TBC1D5: variants seen among roughly 807,000 people sequenced by gnomAD.
The protein encoded by TBC1D5 is TBC1 domain family, member 5.
A neutral mutation model predicts 100.3 loss-of-function variants in TBC1D5; 75 were observed. The observed-to-expected ratio is 0.75, with a 90% CI of 0.62 to 0.91. The LOEUF (loss-of-function observed/expected upper bound fraction) is 0.91, where lower values mean the gene tolerates loss of function less well. TBC1D5 is among the 40% of genes least tolerant of loss of function. The pLI is 0.00. For synonymous variants in TBC1D5, 323 were observed against 325.6 expected (o/e 0.99, Z 0.09); for missense variants, 910 against 942.4 (o/e 0.97, Z 0.45).
At chr3:17,398,605 A>G (rs2093568256) in intron 8 of TBC1D5, among the ~76,000 whole-genome samples, 1 of 152,172 alleles carries the variant, frequency 6.6e-6, no homozygotes, top group African/African-American at 2.4e-5. Context: ...CAACTTGGTG[A>G]TAACCAGTGA....
chr3:17,347,639 T>C (rs1390428765), intron 13 of TBC1D5, among the ~76,000 whole-genome samples: 1 of 152,010 alleles, frequency 6.6e-6, no homozygotes, highest in Non-Finnish European at 1.5e-5. Flanking sequence ...TAAAAATCCC[T>C]ACACTTTCTA....
intron 13 of TBC1D5, among the ~76,000 whole-genome samples, chr3:17,351,496 G>A (rs1255401512): frequency 3.9e-5 from 6 of 152,048 alleles, no homozygotes; most frequent in East Asian, 3.9e-4. Context: ...ACCAAACACC[G>A]CATGTTCTCA....
At chr3:17,699,571 A>G (rs982980012) in intron 1 of TBC1D5, among the ~76,000 whole-genome samples, 8 of 147,176 alleles carry the variant, frequency 5.4e-5, no homozygotes, top group African/African-American at 2.0e-4. Flanking sequence ...TAAAATTACC[A>G]TAATAATTGA....
intron 13 of TBC1D5, among the ~76,000 whole-genome samples, chr3:17,360,982 G>A (rs2091649322): frequency 6.6e-6 from 1 of 151,784 alleles, no homozygotes; most frequent in South Asian, 2.1e-4. Flanking sequence ...ATTTTTGGAA[G>A]GAACAAAAAG....
intron 18 of TBC1D5, among the ~76,000 whole-genome samples, chr3:17,187,847 G>A (rs2125573948): frequency 6.6e-6 from 1 of 152,326 alleles, no homozygotes; most frequent in East Asian, 1.9e-4. Context: ...AAGGGCACAA[G>A]GAATGCAGTG....
chr3:17,351,960 CAACGTTTCATCT>C (rs1179190248), intron 13 of TBC1D5, among the ~76,000 whole-genome samples: 4 of 148,858 alleles, frequency 2.7e-5, no homozygotes, highest in South Asian at 2.1e-4. Flanking sequence ...AACCCTCAAA[CAACGTTTCATCT>C]AACGTTTCAT....
intron 13 of TBC1D5, among the ~76,000 whole-genome samples, chr3:17,345,083 C>T (rs966835517): frequency 6.6e-6 from 1 of 152,106 alleles, no homozygotes; most frequent in African/African-American, 2.4e-5. Flanking sequence ...TCTATTTAAA[C>T]TAAAGAGCTT....
intron 14 of TBC1D5, among the ~76,000 whole-genome samples, chr3:17,306,652 AG>A (rs2083430201): frequency 6.6e-6 from 1 of 152,198 alleles, no homozygotes; most frequent in African/African-American, 2.4e-5. Context: ...GTCAAAAAAG[AG>A]CAAATTGTAA....
At chr3:17,336,065 C>T (rs1255596497) in intron 13 of TBC1D5, among the ~76,000 whole-genome samples, 1 of 152,034 alleles carries the variant, frequency 6.6e-6, no homozygotes, top group African/African-American at 2.4e-5. Context: ...CAGTGTACGT[C>T]TAGTGACATA....
chr3:17,512,237 A>G (rs2095918023), intron 2 of TBC1D5, among the ~76,000 whole-genome samples: 1 of 152,080 alleles, frequency 6.6e-6, no homozygotes, highest in African/African-American at 2.4e-5. Flanking sequence ...GTTTTTAATA[A>G]ATTTGTCTAT....
chr3:17,624,092 G>A (rs1357690097), intron 1 of TBC1D5, among the ~76,000 whole-genome samples, 179 bp from the exon 2 acceptor site: 1 of 152,096 alleles, frequency 6.6e-6, no homozygotes, highest in African/African-American at 2.4e-5. Context: ...GGTTTATACT[G>A]AGTAACCTCT....
At chr3:17,422,894 C>T (rs2094247653) in intron 4 of TBC1D5, among the ~76,000 whole-genome samples, 1 of 152,080 alleles carries the variant, frequency 6.6e-6, no homozygotes, top group Non-Finnish European at 1.5e-5. Context: ...ACATACAAAT[C>T]TTTGTGCCAA....
intron 19 of TBC1D5, among the ~76,000 whole-genome samples, chr3:17,173,037 C>A (rs931791925): frequency 3.3e-5 from 5 of 152,176 alleles, no homozygotes; most frequent in Non-Finnish European, 7.3e-5. Context: ...AAGTGCTGAG[C>A]ACCACACCTA....
intron 14 of TBC1D5, among the ~76,000 whole-genome samples, chr3:17,296,079 C>T (rs2082225343): frequency 6.6e-6 from 1 of 151,920 alleles, no homozygotes; most frequent in South Asian, 2.1e-4. Flanking sequence ...GGTATCGGTA[C>T]AAACTGAAAA....
chr3:17,705,861 G>A (rs1209122465), intron 1 of TBC1D5, among the ~76,000 whole-genome samples: 3 of 151,884 alleles, frequency 2.0e-5, no homozygotes, highest in Non-Finnish European at 4.4e-5. Context: ...CCGGGCAGAG[G>A]CTGCAATCTC....
chr3:17,161,641 T>G (rs2066067195), intron 21 of TBC1D5, among the ~76,000 whole-genome samples: 1 of 152,250 alleles, frequency 6.6e-6, no homozygotes, highest in Non-Finnish European at 1.5e-5. Context: ...TCACCCATCC[T>G]CCTTGAACTT....
At chr3:17,608,151 G>C (rs962203211) in intron 2 of TBC1D5, among the ~76,000 whole-genome samples, 5 of 152,134 alleles carry the variant, frequency 3.3e-5, no homozygotes, top group Non-Finnish European at 7.4e-5. Flanking sequence ...CAGATACTAG[G>C]GGGGCTGAGG....
intron 1 of TBC1D5, among the ~76,000 whole-genome samples, chr3:17,705,501 G>A (rs1288740057): frequency 9.3e-5 from 14 of 149,822 alleles, no homozygotes; most frequent in Non-Finnish European, 1.9e-4. Context: ...CGGGGTGGTT[G>A]CCAGGCGGAG....
intron 3 of TBC1D5, among the ~76,000 whole-genome samples, chr3:17,443,281 A>G (rs2094707458): frequency 6.6e-6 from 1 of 152,110 alleles, no homozygotes; most frequent in Non-Finnish European, 1.5e-5. Flanking sequence ...TCTCACTTGC[A>G]CTCCGAGCTA....
Sources: gnomAD v4.1 joint callset for allele counts (sites outside exome capture counted in the v4.1 genomes callset) on GRCh38, gnomAD v4.1.1 for gene constraint, MANE v1.5 for transcripts, NCBI Gene and HGNC (gene_info 2026-07-23, HGNC 2026-07-21) for gene names.